FAM185A: variants seen among roughly 807,000 people sequenced by gnomAD.
FAM185A encodes family with sequence similarity 185 member A.
A neutral mutation model predicts 45.7 loss-of-function variants in FAM185A; 21 were observed. That is an observed-to-expected ratio of 0.46 (90% CI 0.33 to 0.66). FAM185A has a LOEUF of 0.66. Ranked by LOEUF, FAM185A falls within the 30% of genes least tolerant of loss-of-function variation. The pLI is 0.03. For synonymous variants in FAM185A, 117 were observed against 194.0 expected (o/e 0.60, Z 3.30); for missense variants, 305 against 485.4 (o/e 0.63, Z 3.49).
chr7:102,807,210 G>A (rs745403589), intron 7 of FAM185A, among the ~76,000 whole-genome samples: 1 of 151,944 alleles, frequency 6.6e-6, no homozygotes, highest in South Asian at 2.1e-4. Flanking sequence ...GACAGGAAGG[G>A]AGGGGCATGA....
the FAM185A span, among the ~76,000 whole-genome samples, chr7:102,816,573 T>C: frequency 1.3e-5 from 2 of 152,174 alleles, no homozygotes; most frequent in Non-Finnish European, 2.9e-5. Flanking sequence ...CTGAGTTCTT[T>C]ATCATAGCAT....
intron 7 of FAM185A, among the ~76,000 whole-genome samples, chr7:102,801,921 CAAA>C (rs200430332): frequency 4.0e-5 from 5 of 125,196 alleles, no homozygotes; most frequent in African/African-American, 8.3e-5. Flanking sequence ...GACTACGTCT[CAAA>C]AAAAAAAAAA....
chr7:102,824,735 C>T, the FAM185A span, among the ~76,000 whole-genome samples: 1 of 151,578 alleles, frequency 6.6e-6, no homozygotes, highest in Middle Eastern at 3.4e-3. Context: ...ATCCGCTCAC[C>T]TTGGCCTCCT....
At chr7:102,813,362 T>A (rs1797567298), downstream of FAM185A, 1 of 1,613,332 alleles carries the variant, frequency 6.2e-7, no homozygotes, top group African/African-American at 1.3e-5. Flanking sequence ...TGGTCTTCAC[T>A]GCTGTATGTT....
intron 6 of FAM185A, among the ~76,000 whole-genome samples, chr7:102,785,127 G>C (rs1462844589): frequency 6.6e-6 from 1 of 152,150 alleles, no homozygotes; most frequent in Admixed American, 6.5e-5. Flanking sequence ...TACAAGGGAC[G>C]TGAAGGACCT....
the FAM185A span, among the ~76,000 whole-genome samples, chr7:102,837,702 C>T: frequency 1.3e-5 from 2 of 152,064 alleles, no homozygotes; most frequent in Non-Finnish European, 2.9e-5. Flanking sequence ...TGCTACCATG[C>T]CTGGCTCATT....
chr7:102,809,949 T>C (rs1488916028), downstream of FAM185A, among the ~76,000 whole-genome samples: 1 of 152,012 alleles, frequency 6.6e-6, no homozygotes, highest in East Asian at 1.9e-4. Context: ...TGTTTAAAAG[T>C]GTGGGTATCT....
At chr7:102,834,047 A>AGGAC in the FAM185A span, among the ~76,000 whole-genome samples, 1 of 105,576 alleles carries the variant, frequency 9.5e-6, no homozygotes, top group Admixed American at 9.5e-5. Flanking sequence ...GAAGGAAGGA[A>AGGAC]GGAAGGAAGG....
chr7:102,816,926 A>G, the FAM185A span, among the ~76,000 whole-genome samples: 2 of 152,222 alleles, frequency 1.3e-5, no homozygotes, highest in Admixed American at 6.5e-5. Context: ...TGTTGCTGCA[A>G]AGGACATGAT....
the FAM185A span, among the ~76,000 whole-genome samples, chr7:102,826,752 T>TAC: frequency 1.8e-5 from 2 of 114,264 alleles, no homozygotes; most frequent in Admixed American, 1.1e-4. Flanking sequence ...TATATATATA[T>TAC]ATATATATAT....
the FAM185A span, among the ~76,000 whole-genome samples, chr7:102,844,203 C>T: frequency 6.0e-4 from 92 of 152,246 alleles, no homozygotes; most frequent in Admixed American, 1.4e-3. Flanking sequence ...TTATAATTAA[C>T]TTCAGAGTCA....
intron 4 of FAM185A, among the ~76,000 whole-genome samples, chr7:102,761,723 G>A (rs573382810): frequency 6.6e-6 from 1 of 151,866 alleles, no homozygotes; most frequent in South Asian, 2.1e-4. Context: ...GAGTGCAGTG[G>A]CGTGACACTG....
chr7:102,778,077 A>T (rs1436880748), intron 6 of FAM185A, among the ~76,000 whole-genome samples: 1 of 152,234 alleles, frequency 6.6e-6, no homozygotes, highest in African/African-American at 2.4e-5. Flanking sequence ...AAATTTTTTT[A>T]AATAGTCTAG....
downstream of FAM185A, among the ~76,000 whole-genome samples, chr7:102,811,370 G>A (rs778186694): frequency 3.3e-5 from 5 of 152,206 alleles, no homozygotes; most frequent in Non-Finnish European, 5.9e-5. Flanking sequence ...GATATTTTGA[G>A]TAGTTTGCAT....
At chr7:102,845,206 C>T in the FAM185A span, among the ~76,000 whole-genome samples, 1 of 152,156 alleles carries the variant, frequency 6.6e-6, no homozygotes, top group Admixed American at 6.5e-5. Flanking sequence ...CGTGGCCTGG[C>T]CTTTCTCATG....
At chr7:102,842,738 C>T in the FAM185A span, among the ~76,000 whole-genome samples, 1 of 152,158 alleles carries the variant, frequency 6.6e-6, no homozygotes, top group Admixed American at 6.5e-5. Context: ...ACTCCTGGGC[C>T]TTTCTGACCT....
At chr7:102,754,664 G>T (rs1793587080) in intron 2 of FAM185A, among the ~76,000 whole-genome samples, 1 of 152,210 alleles carries the variant, frequency 6.6e-6, no homozygotes, top group African/African-American at 2.4e-5. Flanking sequence ...AAAAAATTGA[G>T]CTGGGATTTG....
At chr7:102,838,657 A>G in the FAM185A span, among the ~76,000 whole-genome samples, 1 of 152,164 alleles carries the variant, frequency 6.6e-6, no homozygotes, top group East Asian at 1.9e-4. Flanking sequence ...GAGCTCACAG[A>G]AACATGTGTT....
chr7:102,775,842 G>A lies in FAM185A; in HGVS notation c.836-1411G>A, dbSNP rs186153344. On this transcript the variant is annotated intron_variant, in intron 5 of 7. Transcript: ENST00000413034. ...TTTAAAAAGGAGTTTCTGTTGGTTC[G>A]TAAGCAGTGAAATGTTCATTTTGTC... Among the ~76,000 whole-genome samples the A allele has an allele frequency of 1.1e-4, 16 of 152,092 alleles. No homozygotes were observed. In the East Asian group the frequency reaches 2.9e-3, roughly 28 times the overall value.
Sources: allele counts gnomAD v4.1 joint callset (sites outside exome capture counted in the v4.1 genomes callset), GRCh38; gene constraint gnomAD v4.1.1; transcripts MANE v1.5; gene names NCBI Gene and HGNC (gene_info 2026-07-23, HGNC 2026-07-21).